MGAT4C: variants seen among roughly 807,000 people sequenced by gnomAD.
MGAT4C encodes the protein MGAT4 family member C, also known as alpha-1,3-mannosyl-glycoprotein 4-beta-N-acetylglucosaminyltransferase C.
MGAT4C carries 19 observed loss-of-function variants against 40.1 expected under a neutral mutation model. That is an observed-to-expected ratio of 0.47 (90% confidence interval 0.33 to 0.70). MGAT4C has a LOEUF of 0.70. MGAT4C is among the 30% of genes least tolerant of loss of function. MGAT4C has a pLI of 0.02. For missense variants in MGAT4C, 491 were observed against 563.2 expected, an observed-to-expected ratio of 0.87 and a Z score of 1.30; for synonymous variants, 181 against 187.1, an observed-to-expected ratio of 0.97 and a Z score of 0.27.
At chr12:85,996,805 A>G (rs1886675814) in intron 2 of MGAT4C, among the ~76,000 whole-genome samples, 2 of 152,248 alleles carry the variant, frequency 1.3e-5, no homozygotes, top group South Asian at 4.1e-4. Flanking sequence ...AAGAAAGGAA[A>G]GAAAGAGAAT....
intron 1 of MGAT4C, among the ~76,000 whole-genome samples, chr12:86,163,659 G>T (rs561023955): frequency 3.3e-5 from 5 of 152,160 alleles, no homozygotes; most frequent in Non-Finnish European, 7.4e-5. Context: ...GCTTTAAACA[G>T]ATCATTCTCT....
intron 2 of MGAT4C, among the ~76,000 whole-genome samples, chr12:86,000,783 A>G (rs1267572105): frequency 1.3e-5 from 2 of 152,032 alleles, no homozygotes; most frequent in Admixed American, 1.3e-4. Context: ...TTAAGCATCT[A>G]AACATAGCTA....
intron 3 of MGAT4C, among the ~76,000 whole-genome samples, chr12:86,410,618 T>C (rs946715036): frequency 2.6e-5 from 4 of 152,046 alleles, no homozygotes; most frequent in Non-Finnish European, 4.4e-5. Flanking sequence ...ATTTGTAAAA[T>C]AGTGGTCCTG....
At chr12:85,998,547 G>A (rs892641240) in intron 2 of MGAT4C, among the ~76,000 whole-genome samples, 1 of 152,058 alleles carries the variant, frequency 6.6e-6, no homozygotes, top group African/African-American at 2.4e-5. Flanking sequence ...TGAATGCCTT[G>A]CTGCTTAGAA....
chr12:86,689,591 G>A (rs763483413), intron 2 of MGAT4C, among the ~76,000 whole-genome samples: 1 of 152,208 alleles, frequency 6.6e-6, no homozygotes, highest in Non-Finnish European at 1.5e-5. Context: ...GTCTGTTGGA[G>A]TTTGCTGGAC....
intron 2 of MGAT4C, among the ~76,000 whole-genome samples, chr12:86,682,295 T>C (rs1346679032): frequency 2.0e-5 from 3 of 152,094 alleles, no homozygotes; most frequent in African/African-American, 7.2e-5. Context: ...CAATATTTTA[T>C]TGAATCTTAA....
intron 3 of MGAT4C, among the ~76,000 whole-genome samples, chr12:86,424,813 G>C (rs904263166): frequency 6.6e-6 from 1 of 152,134 alleles, no homozygotes; most frequent in South Asian, 2.1e-4. Context: ...CTGGAGTGCA[G>C]TGGTAGGACC....
At chr12:86,233,390 G>A (rs1044559046) in intron 1 of MGAT4C, among the ~76,000 whole-genome samples, 1 of 152,176 alleles carries the variant, frequency 6.6e-6, no homozygotes, top group African/African-American at 2.4e-5. Context: ...ACACTTTGAT[G>A]CTAATGACAC....
intron 2 of MGAT4C, among the ~76,000 whole-genome samples, chr12:86,540,920 G>A (rs1215328399): frequency 6.6e-6 from 1 of 152,138 alleles, no homozygotes; most frequent in Non-Finnish European, 1.5e-5. Context: ...TCCATCTAGA[G>A]GTACACAAGG....
intron 2 of MGAT4C, among the ~76,000 whole-genome samples, chr12:86,514,115 C>T (rs956670622): frequency 9.3e-5 from 14 of 150,504 alleles, no homozygotes; most frequent in Non-Finnish European, 1.6e-4. Flanking sequence ...CACACAACCC[C>T]GGCTTAGTAG....
rs145207318 is a variant in MGAT4C at position 86,045,406 on chromosome 12, C to G, written c.-7+4268G>C. On this transcript the variant is annotated intron_variant, in intron 2 of 4. Coordinates refer to ENST00000611864, the MANE Select transcript of MGAT4C (RefSeq NM_001351288.2). The stretch of plus-strand genomic sequence containing the variant: ...TGAACCATGTCACTCATATGCATTA[C>G]TTGCATGACTCTAGACATTTGAGGA... Among the ~76,000 whole-genome samples the G allele has an allele frequency of 5.2e-3, 787 of 152,264 alleles. 7 individuals carry two copies. The highest frequency in any genetic ancestry group is 6.8e-3 in the Non-Finnish European group (464 of 68,016).
chr12:86,015,956 C>T (rs1889049100), intron 2 of MGAT4C: 1 of 152,058 alleles, frequency 6.6e-6, no homozygotes, highest in Non-Finnish European at 1.5e-5. Flanking sequence ...TCATGCACAG[C>T]ACCTAAACTA....
chr12:86,830,828 C>T (rs955501312), intron 1 of MGAT4C, among the ~76,000 whole-genome samples: 7 of 151,954 alleles, frequency 4.6e-5, no homozygotes, highest in Admixed American at 2.6e-4. Context: ...TAAAGAGGAG[C>T]TGTGAAGGTT....
chr12:86,191,792 T>TGTGTGG (rs1889529591), intron 1 of MGAT4C, among the ~76,000 whole-genome samples: 1 of 39,280 alleles, frequency 2.5e-5, no homozygotes, highest in Non-Finnish European at 5.1e-5. Context: ...GTGTGTGGTG[T>TGTGTGG]TTTCAGGATA....
At position 86,019,006 on chromosome 12, in the gene MGAT4C, A is replaced by G. The variant is rs1017382846; in HGVS notation, c.-6-29454T>C. ...TTACCAACTTCTCTTTTACAGTATC[A>G]TTCTCTTAAATATATATATAAATTT... On this transcript the variant is annotated intron_variant, in intron 2 of 4. Transcript: ENST00000611864. Among the ~76,000 whole-genome samples the G allele has an allele frequency of 3.3e-5, 5 of 152,190 alleles. No individual in the cohort carries two copies. The East Asian group carries it at 5.8e-4, about 18-fold the overall frequency.
chr12:86,640,211 A>G (rs1963339883), intron 2 of MGAT4C, among the ~76,000 whole-genome samples: 1 of 151,790 alleles, frequency 6.6e-6, no homozygotes, highest in Non-Finnish European at 1.5e-5. Context: ...ACCATATATA[A>G]GTATTTTACA....
chr12:86,088,549 G>A (rs146834878), intron 1 of MGAT4C, among the ~76,000 whole-genome samples: 23 of 151,866 alleles, frequency 1.5e-4, no homozygotes, highest in Admixed American at 7.9e-4. Context: ...AAGAAACTCC[G>A]TTAAAAAGTG....
chr12:86,450,398 G>A (rs1327759258), intron 2 of MGAT4C, among the ~76,000 whole-genome samples: 1 of 151,930 alleles, frequency 6.6e-6, no homozygotes, highest in Non-Finnish European at 1.5e-5. Context: ...TTTTTTCTCA[G>A]ATTAACACAT....
intron 1 of MGAT4C, among the ~76,000 whole-genome samples, chr12:86,152,353 G>A (rs373165518): frequency 2.2e-4 from 34 of 152,290 alleles, no homozygotes; most frequent in African/African-American, 7.0e-4. Context: ...ATGGTGCCTC[G>A]TTGTGTGTCC....
Sources: gnomAD v4.1 joint callset for allele counts (sites outside exome capture counted in the v4.1 genomes callset) on GRCh38, gnomAD v4.1.1 for gene constraint, MANE v1.5 for transcripts, NCBI Gene and HGNC (gene_info 2026-07-23, HGNC 2026-07-21) for gene names.